The following JOSD2 variants were observed in gnomAD, a reference collection of about 807,000 sequenced individuals.
The protein encoded by JOSD2 is josephin-2.
Under a neutral mutation model 19.3 loss-of-function variants are expected in JOSD2, and 20 were observed. The observed-to-expected ratio is 1.04, with a 90% CI of 0.73 to 1.51. JOSD2 has a LOEUF of 1.51. Ranked by LOEUF, JOSD2 falls within the 40% of genes most tolerant of loss-of-function variation. The pLI is 0.00. For synonymous variants in JOSD2, 118 were observed against 123.7 expected (o/e 0.95, Z 0.31); for missense variants, 215 against 250.4 (o/e 0.86, Z 0.95).
rs772856161 is a variant in JOSD2 at position 50,510,466 on chromosome 19, G to T, written c.-17-18C>A. ...GGCTCCTGCTGGGGGTTGGGAGGGGGAGAAGGTCCTCAGGGGCCCGGGATC... is the reference window on the plus strand; with the variant it reads ...GGCTCCTGCTGGGGGTTGGGAGGGGTAGAAGGTCCTCAGGGGCCCGGGATC... On this transcript the variant is annotated intron_variant, in intron 1 of 4. Transcript: ENST00000598418. 6.3e-7 allele frequency: 1 copy of T among 1,582,116 alleles called. No homozygotes were observed. The highest frequency in any genetic ancestry group is 1.7e-5 in the Admixed American group (1 of 57,252).
chr19:50,507,432 C>CT, intron 3 of JOSD2, 142 bp downstream of exon 3: 1 of 1,189,782 alleles, frequency 8.4e-7, no homozygotes, highest in Non-Finnish European at 1.2e-6. Context: ...TGATCTCCCC[C>CT]TTTCAACCCA....
intron 2 of JOSD2, among the ~76,000 whole-genome samples, chr19:50,508,390 C>T (rs998319549): frequency 1.3e-5 from 2 of 152,224 alleles, no homozygotes; most frequent in African/African-American, 2.4e-5. Context: ...CCTCACCCCT[C>T]CCCTGCTCAC....
intron 3 of JOSD2, among the ~76,000 whole-genome samples, chr19:50,506,937 C>T (rs2122704819): frequency 6.6e-6 from 1 of 151,454 alleles, no homozygotes; most frequent in South Asian, 2.1e-4. Context: ...ATCCGCCCAC[C>T]CCACTGAGCC....
chr19:50,506,139 G>C lies in JOSD2; in HGVS notation c.*34C>G. 1 of 1,591,268 alleles carries C rather than the reference G, an allele frequency of 6.3e-7. No homozygotes were observed. The highest frequency in any genetic ancestry group is 2.2e-5 in the East Asian group (1 of 44,806). ...TGCGCAGCCGGAGGGGGATGCGCAG[G>C]GACTGCGCTGTGGGCGCCGATGGTC... On this transcript the variant is annotated 3_prime_UTR_variant, in exon 5 of 5. Transcript: ENST00000598418.
intron 3 of JOSD2, 122 bp downstream of exon 3, chr19:50,507,452 G>A (rs1388901540): frequency 1.5e-6 from 2 of 1,363,604 alleles, no homozygotes; most frequent in Non-Finnish European, 2.0e-6. Context: ...ATCAGTGCCA[G>A]GCTTCCCACA....
Position 50,506,083 on chromosome 19 carries a change from T to C in JOSD2, c.*90A>G, listed in dbSNP as rs1030753019. Reference sequence around the variant, plus strand: ...GGGGGCGGGGCCTCCCCAGGGTCCATGAAGTGCTGGCCTTTCCCAGGCATG... The same window carrying C: ...GGGGGCGGGGCCTCCCCAGGGTCCACGAAGTGCTGGCCTTTCCCAGGCATG... On this transcript the variant is annotated 3_prime_UTR_variant, in exon 5 of 5. Transcript: ENST00000598418. 9 of 1,275,442 alleles carry C rather than the reference T, an allele frequency of 7.1e-6. No homozygotes were observed. The highest frequency in any genetic ancestry group is 4.4e-5 in the African/African-American group (3 of 67,988). The allele number at this position is 1,275,442 out of a possible 1,614,324, so 79.0% of individuals were successfully genotyped here. A position where few individuals can be genotyped will look rare whatever the true frequency, so the allele number is the denominator to read the frequency against.
chr19:50,506,615 G>A (rs1277074584), intron 3 of JOSD2, 43 bp from the exon 4 acceptor site: 11 of 1,442,656 alleles, frequency 7.6e-6, no homozygotes, highest in South Asian at 7.1e-5. Context: ...GGCCTGCTCC[G>A]CCCGCCGGTG....
Position 50,507,685 on chromosome 19 carries a change from G to A in JOSD2, c.161C>T (p.Ser54Phe). 6.2e-7 allele frequency: 1 copy of A among 1,611,754 alleles called. No homozygotes were observed. The highest frequency in any genetic ancestry group is 1.1e-5 in the South Asian group (1 of 91,052). The change falls in exon 3 of 5, where the codon TCC (serine) becomes TTC (phenylalanine). Residue 54 changes from serine (S) to phenylalanine (F), a missense_variant. Transcript: ENST00000598418. ...GAGGCTGCGATGAGGGTTCAGCCGG[G>A]AGTCTGGGGCCAACCTGGTAGTGGG... ...DEICKRLAPD[S>F]RLNPHRSLLG... is the part of the protein sequence containing the mutation.
intron 2 of JOSD2, among the ~76,000 whole-genome samples, chr19:50,509,321 G>T (rs1046856352): frequency 1.1e-4 from 17 of 152,018 alleles, no homozygotes; most frequent in East Asian, 1.9e-4. Context: ...TGGAATTCCT[G>T]ACCTCAAGTG....
chr19:50,507,704 T>C lies in JOSD2; in HGVS notation c.147-5A>G, dbSNP rs1339476021. ...AGCCGGGAGTCTGGGGCCAACCTGG[T>C]AGTGGGGGTGGCCAGAGCTGAGGTG... On this transcript the variant is annotated splice_region_variant and splice_polypyrimidine_tract_variant and intron_variant, in intron 2 of 4. Coordinates refer to ENST00000598418, the MANE Select transcript of JOSD2 (RefSeq NM_001270639.2). 7 of 1,609,482 alleles carry C rather than the reference T, an allele frequency of 4.3e-6. No individual in the cohort carries two copies. The highest frequency in any genetic ancestry group is 2.2e-5 in the East Asian group (1 of 44,846).
chr19:50,506,480 C>A lies in JOSD2; in HGVS notation c.365G>T (p.Arg122Leu), dbSNP rs772170649. The A allele has an allele frequency of 5.1e-6, 8 of 1,571,948 alleles. No homozygotes were observed. The highest frequency in any genetic ancestry group is 6.9e-6 in the Non-Finnish European group (8 of 1,160,048). ...GCGCAGGGCCACCCAGTGCCGCCGG[C>A]GCAGCGGCAGTGACAGCAGCCCCAG... ...VSLGLLSLPLRRRHWVALRQV... is the reference protein window; with the variant it reads ...VSLGLLSLPLLRRHWVALRQV... The change falls in exon 4 of 5, where the codon CGC (arginine) becomes CTC (leucine). Residue 122 changes from arginine (R) to leucine (L), a missense_variant. Coordinates refer to ENST00000598418, the MANE Select transcript of JOSD2 (RefSeq NM_001270639.2).
chr19:50,509,499 C>T (rs942729297), intron 2 of JOSD2, among the ~76,000 whole-genome samples: 1 of 152,146 alleles, frequency 6.6e-6, no homozygotes, highest in Non-Finnish European at 1.5e-5. Flanking sequence ...AGAGGCCGCA[C>T]AGAAGGGCTC....
rs1979323374 is a variant in JOSD2 at position 50,506,239 on chromosome 19, C to T, written c.501G>A (p.Leu167=). ...AFLAAALAQG[L]CEVLLVVTKE... is the part of the protein sequence containing the mutation. The stretch of plus-strand genomic sequence containing the variant: ...TGGTCACTACCAGCAGCACCTCGCA[C>T]AGGCCCTGGGCCAGCGCAGCCGCCA... The change falls in exon 5 of 5, where the codon CTG becomes CTA. Residue 167 remains leucine, a synonymous_variant. Transcript: ENST00000598418. The T allele has an allele frequency of 3.1e-6, 5 of 1,612,780 alleles. No individual in the cohort carries two copies. Among genetic ancestry groups the T allele is most frequent in the East Asian group, 2.2e-5 (1 of 44,872 alleles).
rs1487798491 is a variant in JOSD2 at position 50,506,392 on chromosome 19, A to G, written c.453T>C (p.Asp151=). The G allele has an allele frequency of 6.2e-7, 1 of 1,606,472 alleles. No homozygotes were observed. Among genetic ancestry groups the G allele is most frequent in the Admixed American group, 1.7e-5 (1 of 58,978 alleles). ...SKLRAPEALG[D]EDGVRAFLAA... is the part of the protein sequence containing the mutation. ...GTGGGGCTCACCTGACTCCGTCCTCATCCCCCAGGGCCTCGGGCGCCCGCA... is the reference window on the plus strand; with the variant it reads ...GTGGGGCTCACCTGACTCCGTCCTCGTCCCCCAGGGCCTCGGGCGCCCGCA... The change falls in exon 4 of 5, where the codon GAT becomes GAC. Residue 151 remains aspartate, a synonymous_variant. Transcript: ENST00000598418.
chr19:50,510,306 A>G lies in JOSD2; in HGVS notation c.126T>C (p.Ala42=), dbSNP rs1325884992. The change falls in exon 2 of 5, where the codon GCT becomes GCC. Residue 42 remains alanine, a synonymous_variant. Coordinates refer to ENST00000598418, the MANE Select transcript of JOSD2 (RefSeq NM_001270639.2). The part of the protein sequence containing the change: ...VLQQQLFSQE[A]ADEICKRLAP... ...GTCACCTCTTGCAGATCTCATCGGCAGCCTCCTGGCTAAAGAGCTGCTGCT... is the reference window on the plus strand; with the variant it reads ...GTCACCTCTTGCAGATCTCATCGGCGGCCTCCTGGCTAAAGAGCTGCTGCT... 1 of 1,613,446 alleles carries G rather than the reference A, an allele frequency of 6.2e-7. No homozygotes were observed. The highest frequency in any genetic ancestry group is 1.1e-5 in the South Asian group (1 of 91,090).
In JOSD2 at chr19:50,506,547, G is replaced by A; in HGVS notation, c.298C>T (p.Gln100Ter). 1 of 1,545,912 alleles carries A rather than the reference G, an allele frequency of 6.5e-7. No individual in the cohort carries two copies. Among genetic ancestry groups the A allele is most frequent in the Non-Finnish European group, 8.7e-7 (1 of 1,144,282 alleles). The change falls in exon 4 of 5, where the codon CAG becomes TAG. Residue 100 changes from glutamine to a stop codon, truncating the protein, a stop_gained. Coordinates refer to ENST00000598418, the MANE Select transcript of JOSD2 (RefSeq NM_001270639.2). LOFTEE classifies it high-confidence loss of function. ...RRPLSQLALP[Q>*]VLGLILNLPS... ...AGGTTCAGGATCAGCCCCAGTACCT[G>A]GGGCAGGGCCAGCTGGGACAGGGGC...
chr19:50,510,051 C>CAGAAA, intron 2 of JOSD2: 2 of 232,188 alleles, frequency 8.6e-6, no homozygotes, highest in African/African-American at 1.0e-4. Flanking sequence ...GACTCAGTCT[C>CAGAAA]AAAAAAAAAA....
intron 1 of JOSD2, 82 bp downstream of exon 1, chr19:50,511,035 C>T (rs1057119173): frequency 2.9e-5 from 13 of 447,686 alleles, no homozygotes; most frequent in South Asian, 9.4e-5. Flanking sequence ...CAGGCCCCCT[C>T]CCCGGACACC....
rs183068364 is a variant in JOSD2 at position 50,509,985 on chromosome 19, C to T, written c.146+301G>A. On this transcript the variant is annotated intron_variant, in intron 2 of 4. Coordinates refer to ENST00000598418, the MANE Select transcript of JOSD2 (RefSeq NM_001270639.2). Reference sequence around the variant, plus strand: ...GGAGAATGGCATGAACCCGGGAGGCCGAGCTCGCAGTGAGCGAGATCGCGC... The same window carrying T: ...GGAGAATGGCATGAACCCGGGAGGCTGAGCTCGCAGTGAGCGAGATCGCGC... Among the ~76,000 whole-genome samples the T allele has an allele frequency of 1.8e-3, 254 of 139,564 alleles. 1 individual carries two copies. The highest frequency in any genetic ancestry group is 4.5e-3 in the Middle Eastern group (1 of 224). 91.6% of individuals were successfully genotyped at this position (139,564 alleles called of 152,430 possible).
Sources: gnomAD v4.1 joint callset for allele counts (sites outside exome capture counted in the v4.1 genomes callset) on GRCh38, gnomAD v4.1.1 for gene constraint, MANE v1.5 for transcripts, NCBI Gene and HGNC (gene_info 2026-07-23, HGNC 2026-07-21) for gene names.